MLIP: variants seen among roughly 807,000 people sequenced by gnomAD.
MLIP encodes muscular LMNA interacting protein.
In MLIP, 79 loss-of-function variants were observed where a neutral mutation model predicts 84.8. The ratio of observed to expected loss-of-function variants is 0.93; its 90% CI spans 0.78 to 1.12. The LOEUF (loss-of-function observed/expected upper bound fraction) is 1.12. Among genes scored for constraint, MLIP ranks in the 50% most tolerant of loss-of-function variants. MLIP has a pLI of 0.00. For missense variants in MLIP, 1,257 were observed against 1,160.6 expected, an observed-to-expected ratio of 1.08 and a Z score of -1.21; for synonymous variants, 504 against 463.0, an observed-to-expected ratio of 1.09 and a Z score of -1.14.
intron 9 of MLIP, among the ~76,000 whole-genome samples, chr6:54,178,007 A>G (rs1000060016): frequency 2.6e-5 from 4 of 152,060 alleles, no homozygotes; most frequent in Non-Finnish European, 5.9e-5. Context: ...GAACACATAG[A>G]CACGGGCAGG....
chr6:54,025,430 G>A (rs554897245), intron 1 of MLIP, among the ~76,000 whole-genome samples: 24 of 152,266 alleles, frequency 1.6e-4, no homozygotes, highest in African/African-American at 5.8e-4. Flanking sequence ...GAAATCTCTG[G>A]CGGTAAGGTA....
chr6:54,144,379 C>G (rs1772597664), intron 4 of MLIP, among the ~76,000 whole-genome samples: 1 of 152,140 alleles, frequency 6.6e-6, no homozygotes, highest in South Asian at 2.1e-4. Context: ...TTTATATAAC[C>G]CAAGTTTCTT....
intron 10 of MLIP, among the ~76,000 whole-genome samples, chr6:54,192,592 G>T (rs1333976529): frequency 2.0e-5 from 3 of 151,618 alleles, no homozygotes; most frequent in Non-Finnish European, 4.4e-5. Context: ...AAATAAGAAT[G>T]TCTTTGATAA....
intron 1 of MLIP, chr6:54,043,528 C>CA (rs1326622306): frequency 6.6e-6 from 1 of 152,260 alleles, no homozygotes; most frequent in Non-Finnish European, 1.5e-5. Flanking sequence ...AAAGCTGCTC[C>CA]ACCCACAGCC....
intron 1 of MLIP, among the ~76,000 whole-genome samples, chr6:54,045,224 T>C (rs1764973578): frequency 6.6e-6 from 1 of 151,958 alleles, no homozygotes; most frequent in Non-Finnish European, 1.5e-5. Flanking sequence ...GGCGGGCACC[T>C]GTAATCCCAG....
intron 1 of MLIP, among the ~76,000 whole-genome samples, chr6:54,067,072 T>C (rs6936792): frequency 0.28 from 27,670 of 99,714 alleles, 9,571 homozygotes; most frequent in Non-Finnish European, 0.35. Context: ...CATTGACACA[T>C]GAAAATATTC....
chr6:54,131,876 G>A (rs1055135899), intron 3 of MLIP, among the ~76,000 whole-genome samples: 1 of 152,132 alleles, frequency 6.6e-6, no homozygotes, highest in African/African-American at 2.4e-5. Flanking sequence ...TGCAGATATG[G>A]GCTGGATTCA....
chr6:54,181,464 A>G (rs1239948923), intron 9 of MLIP, among the ~76,000 whole-genome samples: 4 of 152,064 alleles, frequency 2.6e-5, no homozygotes, highest in Admixed American at 6.5e-5. Flanking sequence ...CTAAGAGCCT[A>G]TGCCTGGATT....
At chr6:54,102,017 G>A (rs568898352) in intron 1 of MLIP, among the ~76,000 whole-genome samples, 2 of 152,166 alleles carry the variant, frequency 1.3e-5, no homozygotes, top group African/African-American at 4.8e-5. Context: ...TGGCTACTGC[G>A]TTGTTATATA....
At chr6:54,070,211 G>A (rs1766399799) in intron 1 of MLIP, among the ~76,000 whole-genome samples, 1 of 152,192 alleles carries the variant, frequency 6.6e-6, no homozygotes, top group Admixed American at 6.5e-5. Context: ...TACCCCGTAA[G>A]CCTGTCTGCC....
At chr6:54,218,680 A>G (rs1780010897) in intron 11 of MLIP, among the ~76,000 whole-genome samples, 1 of 151,622 alleles carries the variant, frequency 6.6e-6, no homozygotes, top group Non-Finnish European at 1.5e-5. Context: ...CATCATACAT[A>G]GTTTTTTGTA....
intron 13 of MLIP, among the ~76,000 whole-genome samples, chr6:54,258,217 A>G (rs1562117401): frequency 6.6e-6 from 1 of 152,102 alleles, no homozygotes; most frequent in South Asian, 2.1e-4. Flanking sequence ...TTAGGAAGAA[A>G]CAAGCATAAT....
intron 3 of MLIP, among the ~76,000 whole-genome samples, chr6:54,128,235 A>G (rs1771088797): frequency 6.6e-6 from 1 of 152,144 alleles, no homozygotes; most frequent in Non-Finnish European, 1.5e-5. Context: ...GATGATATCT[A>G]GAAAGAAGTT....
intron 1 of MLIP, among the ~76,000 whole-genome samples, chr6:54,093,379 T>TATTCC (rs1366319010): frequency 6.6e-6 from 1 of 151,620 alleles, no homozygotes; most frequent in Non-Finnish European, 1.5e-5. Flanking sequence ...TATTCTATTC[T>TATTCC]ATTCTATTCT....
intron 1 of MLIP, among the ~76,000 whole-genome samples, chr6:54,085,392 A>C (rs550391516): frequency 6.6e-6 from 1 of 152,328 alleles, no homozygotes; most frequent in South Asian, 2.1e-4. Context: ...CCCACTTATT[A>C]ATAGGGATTA....
At chr6:54,215,163 C>G (rs1171509016) in intron 11 of MLIP, 1 of 1,535,654 alleles carries the variant, frequency 6.5e-7, no homozygotes, top group Non-Finnish European at 8.7e-7. Flanking sequence ...TGGACTCCTA[C>G]TGCAACGGAA....
At position 54,165,932 on chromosome 6, in the gene MLIP, A is replaced by G. The variant is rs145023760; in HGVS notation, c.2500-3596A>G. 5.8e-4 allele frequency among the ~76,000 whole-genome samples: 88 copies of G among 152,020 alleles called. 1 individual carries two copies. Among genetic ancestry groups the G allele is most frequent in the African/African-American group, 2.0e-3 (82 of 41,530 alleles). On this transcript the variant is annotated intron_variant, in intron 8 of 13. Coordinates refer to ENST00000502396, the MANE Select transcript of MLIP (RefSeq NM_001281747.2). ...AGAGAAACCTCTTACCCTTTCCACC[A>G]TGTAAAGACATGCAAGATGGCACCA...
chr6:54,234,217 T>G (rs1781208960), intron 12 of MLIP, among the ~76,000 whole-genome samples: 2 of 152,136 alleles, frequency 1.3e-5, no homozygotes, highest in South Asian at 4.1e-4. Context: ...GACCCAACCC[T>G]TTTTAGATGG....
At chr6:54,243,039 G>A (rs545879447) in intron 12 of MLIP, among the ~76,000 whole-genome samples, 1 of 152,186 alleles carries the variant, frequency 6.6e-6, no homozygotes, top group Non-Finnish European at 1.5e-5. Context: ...ACAGAGACAT[G>A]GGGGCCTTTT....
Sources: gnomAD v4.1 joint callset for allele counts (sites outside exome capture counted in the v4.1 genomes callset) on GRCh38, gnomAD v4.1.1 for gene constraint, MANE v1.5 for transcripts, NCBI Gene and HGNC (gene_info 2026-07-23, HGNC 2026-07-21) for gene names.